DSCAML1: variants seen among roughly 807,000 people sequenced by gnomAD.
The protein encoded by DSCAML1 is cell adhesion molecule DSCAML1.
Under a neutral mutation model 200.5 loss-of-function variants are expected in DSCAML1, and 38 were observed. The observed-to-expected ratio is 0.19, with a 90% confidence interval of 0.15 to 0.25. DSCAML1 has a LOEUF of 0.25. DSCAML1 is among the 10% of genes least tolerant of loss of function. DSCAML1 has a pLI of 1.00. For synonymous variants in DSCAML1, 1,215 were observed against 1,165.0 expected, an observed-to-expected ratio of 1.04 and a Z score of -0.87; for missense variants, 2,223 against 2,858.8, an observed-to-expected ratio of 0.78 and a Z score of 5.07.
intron 3 of DSCAML1, among the ~76,000 whole-genome samples, chr11:117,577,389 CT>C (rs2050950956): frequency 1.4e-5 from 1 of 69,532 alleles, no homozygotes; most frequent in African/African-American, 3.8e-5. Flanking sequence ...TCCTTCCTTC[CT>C]CCCTCCCTCC....
At chr11:117,740,447 T>C (rs1939979) in intron 3 of DSCAML1, among the ~76,000 whole-genome samples, 121,084 of 152,112 alleles carry the variant, frequency 0.8, 51,680 homozygotes, top group Non-Finnish European at 0.94. Flanking sequence ...GATGGGACTT[T>C]CAGTGCTAAA....
chr11:117,781,549 C>G (rs1385494331), intron 1 of DSCAML1, among the ~76,000 whole-genome samples: 2 of 152,150 alleles, frequency 1.3e-5, no homozygotes, highest in African/African-American at 2.4e-5. Context: ...TGCAGGAGAC[C>G]TTGACAGCTG....
At chr11:117,456,802 G>A (rs1420245431) in intron 19 of DSCAML1, among the ~76,000 whole-genome samples, 1 of 151,834 alleles carries the variant, frequency 6.6e-6, no homozygotes, top group Non-Finnish European at 1.5e-5. Flanking sequence ...AGCCTCCTGA[G>A]TAGCTGGGAC....
chr11:117,698,955 T>C (rs1406998755), intron 3 of DSCAML1, among the ~76,000 whole-genome samples: 2 of 152,192 alleles, frequency 1.3e-5, no homozygotes, highest in African/African-American at 4.8e-5. Flanking sequence ...AACACCGTAC[T>C]CTAGGGCTAC....
At chr11:117,641,408 G>T (rs2052403971) in intron 3 of DSCAML1, among the ~76,000 whole-genome samples, 1 of 152,194 alleles carries the variant, frequency 6.6e-6, no homozygotes, top group Non-Finnish European at 1.5e-5. Flanking sequence ...TTAGTTGCCT[G>T]CATCCAAGAT....
intron 21 of DSCAML1, among the ~76,000 whole-genome samples, chr11:117,440,709 G>A (rs566701951): frequency 1.6e-4 from 24 of 152,212 alleles, no homozygotes; most frequent in African/African-American, 5.5e-4. Context: ...GTTGAAGTCA[G>A]AAGTTCAAGA....
At chr11:117,782,566 T>A (rs944537874) in intron 1 of DSCAML1, among the ~76,000 whole-genome samples, 1 of 152,182 alleles carries the variant, frequency 6.6e-6, no homozygotes, top group Non-Finnish European at 1.5e-5. Flanking sequence ...TCTGGAAGCA[T>A]GCCCAACTTG....
At chr11:117,597,359 G>A (rs1189725992) in intron 3 of DSCAML1, among the ~76,000 whole-genome samples, 3 of 152,220 alleles carry the variant, frequency 2.0e-5, no homozygotes. Flanking sequence ...GGGGGCAGGT[G>A]TGTGGGAGCA....
In DSCAML1 at chr11:117,458,870, C is replaced by A; in HGVS notation, c.3452G>T (p.Arg1151Leu). Residue 1151 changes from arginine to leucine, a missense_variant, in exon 19 of 33, where the codon CGG becomes CTG. Arg to Leu is a moderately radical substitution (Grantham distance 102). Transcript: ENST00000651296. Reference protein sequence around the residue: ...EMQNITTTRERVELRGMEKFT... With the variant: ...EMQNITTTRELVELRGMEKFT... Reference sequence around the variant, plus strand: ...CTTCTCCATGCCCCGCAGCTCCACCCGCTCCCGCGTGGTGGTGATGTTCTG... The same window carrying A: ...CTTCTCCATGCCCCGCAGCTCCACCAGCTCCCGCGTGGTGGTGATGTTCTG... The A allele has an allele frequency of 6.2e-7, 1 of 1,614,040 alleles. No individual in the cohort carries two copies. Among genetic ancestry groups the A allele is most frequent in the Non-Finnish European group, 8.5e-7 (1 of 1,180,024 alleles).
intron 3 of DSCAML1, among the ~76,000 whole-genome samples, chr11:117,772,089 A>G (rs2055048911): frequency 6.6e-6 from 1 of 152,132 alleles, no homozygotes; most frequent in African/African-American, 2.4e-5. Flanking sequence ...GGAAGAGGGC[A>G]TGTGGACGAA....
chr11:117,479,444 T>A lies in DSCAML1; in HGVS notation c.2785+999A>T, dbSNP rs751115503. ...TACGAAGGATCCAGAGTGAGACAGC[T>A]GTTTTCTTCTCACCCTGCTGTGAAG... On this transcript the variant is annotated intron_variant, in intron 14 of 32. Transcript: ENST00000651296. Among the ~76,000 whole-genome samples the A allele has an allele frequency of 3.6e-4, 55 of 152,344 alleles. 1 individual carries two copies. Among genetic ancestry groups the A allele is most frequent in the Admixed American group, 1.4e-3 (21 of 15,306 alleles).
chr11:117,474,937 A>G (rs2048759806), intron 14 of DSCAML1, among the ~76,000 whole-genome samples: 1 of 151,882 alleles, frequency 6.6e-6, no homozygotes, highest in South Asian at 2.1e-4. Flanking sequence ...TTGTATTTTT[A>G]GTAGAGATGG....
At chr11:117,626,392 G>A (rs1355855762) in intron 3 of DSCAML1, among the ~76,000 whole-genome samples, 3 of 152,174 alleles carry the variant, frequency 2.0e-5, no homozygotes, top group African/African-American at 7.2e-5. Flanking sequence ...GGCATTTCAT[G>A]CTGCTGCCTG....
chr11:117,486,886 GAA>G (rs57875880), intron 11 of DSCAML1, among the ~76,000 whole-genome samples: 3 of 120,412 alleles, frequency 2.5e-5, no homozygotes, highest in African/African-American at 6.2e-5. Flanking sequence ...AATGTAGGAA[GAA>G]AAAAAAAAAG....
Position 117,469,297 on chromosome 11 carries a change from G to A in DSCAML1, c.3024+613C>T, listed in dbSNP as rs2048640755. 6.6e-6 allele frequency among the ~76,000 whole-genome samples: 1 copy of A among 152,194 alleles called. No individual in the cohort carries two copies. ...TGCCAGCCCTTCTATGCCCATGGAG[G>A]GGTTTGGTGGTAGGGCCAGAAGATG... On this transcript the variant is annotated intron_variant, in intron 16 of 32. Coordinates refer to ENST00000651296, the MANE Select transcript of DSCAML1 (RefSeq NM_020693.4). The surrounding 1 kb of genome is among the most constrained non-coding windows in gnomAD (Gnocchi z 4.1).
intron 3 of DSCAML1, among the ~76,000 whole-genome samples, chr11:117,637,142 C>T (rs1433999037): frequency 6.6e-6 from 1 of 152,088 alleles, no homozygotes; most frequent in Non-Finnish European, 1.5e-5. Context: ...CCCTTGCCTC[C>T]AAGGAGCCTT....
At chr11:117,629,600 G>A (rs540257559) in intron 3 of DSCAML1, among the ~76,000 whole-genome samples, 16 of 151,896 alleles carry the variant, frequency 1.1e-4, no homozygotes, top group African/African-American at 3.6e-4. Flanking sequence ...CCCACACAAC[G>A]GGAGAGATGG....
Position 117,516,821 on chromosome 11 carries a change from G to A in DSCAML1, c.1511-82C>T, listed in dbSNP as rs554692750. 14 of 1,513,598 alleles carry A rather than the reference G, an allele frequency of 9.2e-6. No individual in the cohort carries two copies. The highest frequency in any genetic ancestry group is 5.9e-5 in the Admixed American group (3 of 51,274). 93.8% of individuals were successfully genotyped at this position (1,513,598 alleles called of 1,614,324 possible). ...CAGGGACAGCCAGGCACCACCCTGC[G>A]GTGCTCTTCTCAGGCACTCGGCCCC... On this transcript the variant is annotated intron_variant, in intron 7 of 32. Transcript: ENST00000651296. This position sits in a 1 kb window ranked among gnomAD's most constrained non-coding sequence, Gnocchi z 5.7.
chr11:117,795,028 G>C (rs2055544702), intron 1 of DSCAML1, among the ~76,000 whole-genome samples: 1 of 152,200 alleles, frequency 6.6e-6, no homozygotes, highest in South Asian at 2.1e-4. Context: ...CCCCTTGGCT[G>C]TCCTGTTGCC....
Sources: gnomAD v4.1 joint callset for allele counts (sites outside exome capture counted in the v4.1 genomes callset) on GRCh38, gnomAD v4.1.1 for gene constraint, Gnocchi (gnomAD v3.1) non-coding constraint, MANE v1.5 for transcripts, NCBI Gene and HGNC (gene_info 2026-07-23, HGNC 2026-07-21) for gene names.